Variants in MGAT4C observed in about 807,000 individuals in gnomAD.
The protein encoded by MGAT4C is alpha-1,3-mannosyl-glycoprotein 4-beta-N-acetylglucosaminyltransferase C.
In MGAT4C, 19 loss-of-function variants were observed where a neutral mutation model predicts 40.1. The observed-to-expected ratio is 0.47, with a 90% CI of 0.33 to 0.70. MGAT4C has a LOEUF of 0.70. Among genes scored for constraint, MGAT4C ranks in the 30% least tolerant of loss-of-function variants. The pLI is 0.02. For missense variants in MGAT4C, 491 were observed against 563.2 expected (o/e 0.87, Z 1.30); for synonymous variants, 181 against 187.1 (o/e 0.97, Z 0.27).
At chr12:86,786,582 T>G (rs1205625352) in intron 1 of MGAT4C, among the ~76,000 whole-genome samples, 1 of 147,452 alleles carries the variant, frequency 6.8e-6, no homozygotes, top group Non-Finnish European at 1.5e-5. Flanking sequence ...CTGCTCAAAC[T>G]TTTTTTTTTT....
intron 4 of MGAT4C, among the ~76,000 whole-genome samples, chr12:86,316,752 T>A (rs1163848956): frequency 6.6e-6 from 1 of 152,072 alleles, no homozygotes; most frequent in African/African-American, 2.4e-5. Flanking sequence ...GAAAACTAAC[T>A]CTTGGGGACT....
At chr12:86,732,253 G>A (rs572915414) in intron 1 of MGAT4C, among the ~76,000 whole-genome samples, 2 of 152,232 alleles carry the variant, frequency 1.3e-5, no homozygotes, top group South Asian at 4.1e-4. Context: ...GCATTTGAAT[G>A]TTTTAATACA....
At chr12:86,650,227 A>T (rs954646779) in intron 2 of MGAT4C, among the ~76,000 whole-genome samples, 6 of 151,930 alleles carry the variant, frequency 3.9e-5, no homozygotes, top group Non-Finnish European at 8.8e-5. Context: ...ATATCCTACA[A>T]CAAAGAGTTA....
At chr12:86,112,882 C>T (rs1877709147) in intron 1 of MGAT4C, among the ~76,000 whole-genome samples, 1 of 151,632 alleles carries the variant, frequency 6.6e-6, no homozygotes, top group African/African-American at 2.4e-5. Flanking sequence ...AAGGTAGAGG[C>T]TTGAATTGCA....
At chr12:86,591,187 T>A (rs1422528370) in intron 2 of MGAT4C, among the ~76,000 whole-genome samples, 1 of 152,026 alleles carries the variant, frequency 6.6e-6, no homozygotes, top group Non-Finnish European at 1.5e-5. Flanking sequence ...AAAATGTTAG[T>A]CTTAATAACA....
intron 3 of MGAT4C, among the ~76,000 whole-genome samples, chr12:86,356,065 C>G (rs1028321783): frequency 6.6e-6 from 1 of 151,938 alleles, no homozygotes; most frequent in East Asian, 1.9e-4. Flanking sequence ...ACGCTACATA[C>G]AGAGTGAAAA....
chr12:86,113,512 A>C lies in MGAT4C; in HGVS notation c.-56-63789T>G, dbSNP rs1389682571. Among the ~76,000 whole-genome samples, 4 of 151,882 alleles carry C rather than the reference A, an allele frequency of 2.6e-5. No homozygotes were observed. In the Admixed American group the frequency reaches 2.6e-4, roughly 10 times the overall value. ...ATAGAAGAAATATTACAGAATAAAA[A>C]AATTAAAGCATAAAAAAGAATGCAA... On this transcript the variant is annotated intron_variant, in intron 1 of 4. Transcript: ENST00000611864.
intron 2 of MGAT4C, among the ~76,000 whole-genome samples, chr12:86,645,750 T>C (rs1279617818): frequency 6.6e-6 from 1 of 151,786 alleles, no homozygotes; most frequent in Non-Finnish European, 1.5e-5. Flanking sequence ...TTGACAGCAG[T>C]GGCCTTTTAC....
At chr12:86,092,965 C>T (rs539051454) in intron 1 of MGAT4C, among the ~76,000 whole-genome samples, 5 of 152,166 alleles carry the variant, frequency 3.3e-5, no homozygotes, top group African/African-American at 1.2e-4. Context: ...ATCAACCGGT[C>T]ATCTACATTA....
intron 2 of MGAT4C, among the ~76,000 whole-genome samples, chr12:86,502,918 CATAT>C (rs754071188): frequency 6.3e-3 from 5 of 792 alleles, no homozygotes; most frequent in Admixed American, 0.025. Context: ...GAGTTCTGCT[CATAT>C]ATATATATAT....
intron 3 of MGAT4C, among the ~76,000 whole-genome samples, chr12:86,434,680 CA>C (rs972436947): frequency 7.9e-5 from 12 of 151,840 alleles, no homozygotes; most frequent in African/African-American, 2.4e-4. Flanking sequence ...CCAGCTTTTC[CA>C]ATTTTAAATA....
intron 2 of MGAT4C, among the ~76,000 whole-genome samples, chr12:86,631,075 T>C (rs1275268047): frequency 3.3e-5 from 5 of 152,080 alleles, no homozygotes; most frequent in Non-Finnish European, 7.4e-5. Flanking sequence ...ACAAAATCAA[T>C]GTGCAAAAAT....
intron 1 of MGAT4C, among the ~76,000 whole-genome samples, chr12:86,786,440 C>G (rs919481807): frequency 6.6e-6 from 1 of 151,648 alleles, no homozygotes; most frequent in Non-Finnish European, 1.5e-5. Flanking sequence ...TTTTTGGTTT[C>G]AGAAGAAAGC....
At chr12:86,207,977 A>G (rs1211986066) in intron 1 of MGAT4C, among the ~76,000 whole-genome samples, 1 of 152,204 alleles carries the variant, frequency 6.6e-6, no homozygotes, top group Non-Finnish European at 1.5e-5. Flanking sequence ...TCAATGATGA[A>G]GTCCATTTTG....
chr12:86,366,765 A>G (rs1232519140), intron 3 of MGAT4C, among the ~76,000 whole-genome samples: 1 of 152,200 alleles, frequency 6.6e-6, no homozygotes, highest in African/African-American at 2.4e-5. Context: ...TAGATCCAGC[A>G]ATAATCCAGT....
intron 1 of MGAT4C, chr12:86,068,174 C>A (rs952204058): frequency 6.6e-6 from 1 of 152,174 alleles, no homozygotes; most frequent in Non-Finnish European, 1.5e-5. Flanking sequence ...ATTTTGTTAT[C>A]AAGGGCACCA....
At chr12:86,766,945 C>A (rs1306086539) in intron 1 of MGAT4C, among the ~76,000 whole-genome samples, 1 of 152,012 alleles carries the variant, frequency 6.6e-6, no homozygotes, top group Non-Finnish European at 1.5e-5. Context: ...ACCCTAACAT[C>A]ACAATTAAAA....
chr12:86,600,938 G>T (rs371695222), intron 2 of MGAT4C, among the ~76,000 whole-genome samples: 1 of 152,254 alleles, frequency 6.6e-6, no homozygotes, highest in African/African-American at 2.4e-5. Flanking sequence ...GTGGAGCAAA[G>T]TTGCGACTAT....
At position 85,978,066 on chromosome 12, in the gene MGAT4C, G is replaced by C. The variant is rs1277163971; in HGVS notation, c.*1223C>G. The C allele has an allele frequency of 6.6e-6, 1 of 151,472 alleles. No homozygotes were observed. The highest frequency in any genetic ancestry group is 2.4e-5 in the African/African-American group (1 of 41,358). 9.4% of individuals were successfully genotyped at this position (151,472 alleles called of 1,614,324 possible). On this transcript the variant is annotated 3_prime_UTR_variant, in exon 5 of 5. Coordinates refer to ENST00000611864, the MANE Select transcript of MGAT4C (RefSeq NM_001351288.2). Reference sequence around the variant, plus strand: ...TCCAATCCCTATTAGGAAAAGTTTAGTCAAGTTTGCTTACTATTTGGGTGC... The same window carrying C: ...TCCAATCCCTATTAGGAAAAGTTTACTCAAGTTTGCTTACTATTTGGGTGC...
Sources: gnomAD v4.1 joint callset for allele counts (sites outside exome capture counted in the v4.1 genomes callset) on GRCh38, gnomAD v4.1.1 for gene constraint, MANE v1.5 for transcripts, NCBI Gene and HGNC (gene_info 2026-07-23, HGNC 2026-07-21) for gene names.